The following KCNH1 variants were observed in gnomAD, a reference collection of about 807,000 sequenced individuals.
KCNH1 encodes potassium voltage-gated channel subfamily H member 1.
KCNH1 carries 27 observed loss-of-function variants against 69.2 expected under a neutral mutation model. That is an observed-to-expected ratio of 0.39 (90% CI 0.29 to 0.54). The LOEUF (loss-of-function observed/expected upper bound fraction) is 0.54. Ranked by LOEUF, KCNH1 falls within the 20% of genes least tolerant of loss-of-function variation. The pLI, the probability that KCNH1 is intolerant of heterozygous loss-of-function variation, is 0.68. For synonymous variants in KCNH1, 456 were observed against 487.7 expected, an observed-to-expected ratio of 0.93 and a Z score of 0.86; for missense variants, 798 against 1,261.6, an observed-to-expected ratio of 0.63 and a Z score of 5.57.
intron 7 of KCNH1, among the ~76,000 whole-genome samples, chr1:210,855,074 G>T (rs568947898): frequency 6.6e-6 from 1 of 152,268 alleles, no homozygotes; most frequent in South Asian, 2.1e-4. Context: ...ATGAAGGAGG[G>T]TAATGGTATG....
intron 10 of KCNH1, among the ~76,000 whole-genome samples, chr1:210,697,366 G>A (rs1681667119): frequency 6.6e-6 from 1 of 152,226 alleles, no homozygotes; most frequent in Non-Finnish European, 1.5e-5. Flanking sequence ...ATGCTAAACT[G>A]TGACTGCTGA....
intron 5 of KCNH1, among the ~76,000 whole-genome samples, chr1:211,034,579 G>C (rs748894671): frequency 1.3e-5 from 2 of 151,966 alleles, no homozygotes; most frequent in Non-Finnish European, 2.9e-5. Flanking sequence ...GGAGAAGCTG[G>C]GTAAAAGGCC....
chr1:210,683,194 G>A lies in KCNH1; in HGVS notation c.*87C>T. The A allele has an allele frequency of 1.6e-6, 2 of 1,282,792 alleles. No individual in the cohort carries two copies. Among genetic ancestry groups the A allele is most frequent in the South Asian group, 2.9e-5 (2 of 69,484 alleles). The allele number at this position is 1,282,792 out of a possible 1,614,324, so 79.5% of individuals were successfully genotyped here. On this transcript the variant is annotated 3_prime_UTR_variant, in exon 11 of 11. Transcript: ENST00000271751. The surrounding 1 kb of genome is among the most constrained non-coding windows in gnomAD (Gnocchi z 5.7). ...GTTAGGAAAAGCCTACTTGAAAATT[G>A]TTGGTCATGTGGACATATGTGGTAG...
chr1:210,962,240 A>G (rs1362936593), intron 6 of KCNH1, among the ~76,000 whole-genome samples: 2 of 152,214 alleles, frequency 1.3e-5, no homozygotes, highest in African/African-American at 4.8e-5. Flanking sequence ...CCAGGGAATT[A>G]TAAGGCTCAG....
At chr1:210,950,238 C>T (rs1377041166) in intron 6 of KCNH1, among the ~76,000 whole-genome samples, 4 of 149,514 alleles carry the variant, frequency 2.7e-5, no homozygotes, top group African/African-American at 7.4e-5. Context: ...TTTAATTATA[C>T]TTTAAGTTTT....
chr1:211,101,186 C>T (rs1000431352), intron 3 of KCNH1, among the ~76,000 whole-genome samples: 11 of 152,144 alleles, frequency 7.2e-5, no homozygotes, highest in African/African-American at 1.4e-4. Flanking sequence ...GGATGCTGCC[C>T]GTTCCCCTAC....
chr1:210,900,344 A>C (rs971540851), intron 7 of KCNH1, among the ~76,000 whole-genome samples: 2 of 152,200 alleles, frequency 1.3e-5, no homozygotes, highest in African/African-American at 4.8e-5. Flanking sequence ...CAGACAGTTC[A>C]TCTGAGCAGA....
chr1:210,897,370 A>G (rs1433612889), intron 7 of KCNH1, among the ~76,000 whole-genome samples: 1 of 152,188 alleles, frequency 6.6e-6, no homozygotes, highest in East Asian at 1.9e-4. Flanking sequence ...CTTTAAAACC[A>G]AGAAAAATAA....
intron 6 of KCNH1, among the ~76,000 whole-genome samples, chr1:210,950,789 A>G (rs1169091619): frequency 6.6e-6 from 1 of 152,164 alleles, no homozygotes; most frequent in Non-Finnish European, 1.5e-5. Flanking sequence ...AACTCTATGA[A>G]GTATGTACTT....
intron 7 of KCNH1, among the ~76,000 whole-genome samples, chr1:210,884,316 G>A (rs547639005): frequency 2.6e-4 from 40 of 152,290 alleles, no homozygotes; most frequent in South Asian, 1.9e-3. Context: ...TGTTACTTGA[G>A]AGGATCCTCT....
At chr1:210,985,427 T>C (rs955747781) in intron 6 of KCNH1, among the ~76,000 whole-genome samples, 3 of 152,248 alleles carry the variant, frequency 2.0e-5, no homozygotes, top group African/African-American at 7.2e-5. Flanking sequence ...TGTAGTGCTA[T>C]AAATTTCCCT....
intron 7 of KCNH1, among the ~76,000 whole-genome samples, chr1:210,883,974 G>A (rs989439678): frequency 4.6e-5 from 7 of 152,168 alleles, no homozygotes; most frequent in Non-Finnish European, 8.8e-5. Flanking sequence ...CCCATGCTCT[G>A]GACAATGATT....
intron 6 of KCNH1, among the ~76,000 whole-genome samples, chr1:210,982,435 C>T (rs1352100871): frequency 6.6e-6 from 1 of 151,926 alleles, no homozygotes; most frequent in Non-Finnish European, 1.5e-5. Context: ...CCACTCCACA[C>T]CAGTCCCCGG....
chr1:211,133,998 G>C lies in KCNH1; in HGVS notation c.-53C>G. 6.6e-7 allele frequency: 1 copy of C among 1,510,948 alleles called. No homozygotes were observed. The highest frequency in any genetic ancestry group is 1.7e-4 in the Middle Eastern group (1 of 5,862). The allele number at this position is 1,510,948 out of a possible 1,614,324, so 93.6% of individuals were successfully genotyped here. A position where few individuals can be genotyped will look rare whatever the true frequency, so the allele number is the denominator to read the frequency against. On this transcript the variant is annotated 5_prime_UTR_variant, in exon 1 of 11. Coordinates refer to ENST00000271751, the MANE Select transcript of KCNH1 (RefSeq NM_172362.3). The surrounding 1 kb of genome is among the most constrained non-coding windows in gnomAD (Gnocchi z 5.4). The stretch of plus-strand genomic sequence containing the variant: ...CGTCCTGGCGCGGCTTCTTACGACA[G>C]CAGGAAACTGGCCTCGGGGCCCGCA...
chr1:210,962,378 T>C (rs1480080263), intron 6 of KCNH1, among the ~76,000 whole-genome samples: 1 of 152,220 alleles, frequency 6.6e-6, no homozygotes, highest in East Asian at 1.9e-4. Flanking sequence ...TTACTTCATC[T>C]TGGCAGAAAT....
At chr1:210,900,820 G>T (rs934457866) in intron 7 of KCNH1, among the ~76,000 whole-genome samples, 6 of 152,030 alleles carry the variant, frequency 3.9e-5, no homozygotes, top group Admixed American at 6.5e-5. Flanking sequence ...ATAGTGCTTT[G>T]TTCTCCATTC....
chr1:210,683,766 C>A lies in KCNH1; in HGVS notation c.2485G>T (p.Gly829Cys). 1 of 1,613,920 alleles carries A rather than the reference C, an allele frequency of 6.2e-7. No homozygotes were observed. The highest frequency in any genetic ancestry group is 8.5e-7 in the Non-Finnish European group (1 of 1,180,040). Residue 829 changes from glycine (G) to cysteine (C), a missense_variant, in exon 11 of 11, where the codon GGC becomes TGC. Physicochemically the swap from Gly to Cys is radical, Grantham distance 159. Around this residue, in one of 4 missense-constraint regions of KCNH1, gnomAD observed 331 missense variants for 363.2 expected, o/e 0.91. Coordinates refer to ENST00000271751, the MANE Select transcript of KCNH1 (RefSeq NM_172362.3). The surrounding 1 kb of genome is among the most constrained non-coding windows in gnomAD (Gnocchi z 5.7). Reference protein sequence around the residue: ...SECLGPKGGGGDCAKRKSWAR... With the variant: ...SECLGPKGGGCDCAKRKSWAR... ...CAGCTTTTGCGCTTGGCACAATCGCCCCCGCCCCCCTTGGGGCCCAGGCAC... is the reference window on the plus strand; with the variant it reads ...CAGCTTTTGCGCTTGGCACAATCGCACCCGCCCCCCTTGGGGCCCAGGCAC...
chr1:210,775,188 T>C (rs1254574444), intron 10 of KCNH1, among the ~76,000 whole-genome samples, 160 bp downstream of exon 10: 1 of 152,158 alleles, frequency 6.6e-6, no homozygotes, highest in Non-Finnish European at 1.5e-5. Flanking sequence ...CTCTCCTCCA[T>C]TTTATAGCAA....
At position 210,775,417 on chromosome 1, in the gene KCNH1, C is replaced by T. The variant is rs1236202214; in HGVS notation, c.2043G>A (p.Leu681=). Residue 681 remains leucine (L), a synonymous_variant, in exon 10 of 11, where the codon CTG becomes CTA. Transcript: ENST00000271751. ...VIKRDALQKV[L]EFYTAFSHSF... Reference sequence around the variant, plus strand: ...AATGGGAGAAGGCCGTGTAGAATTCCAGCACTTTCTGCAGGGCATCCCGCT... The same window carrying T: ...AATGGGAGAAGGCCGTGTAGAATTCTAGCACTTTCTGCAGGGCATCCCGCT... The T allele has an allele frequency of 6.2e-7, 1 of 1,614,006 alleles. No individual in the cohort carries two copies. The highest frequency in any genetic ancestry group is 8.5e-7 in the Non-Finnish European group (1 of 1,179,996).
Sources: gnomAD v4.1 joint callset for allele counts (sites outside exome capture counted in the v4.1 genomes callset) on GRCh38, gnomAD v4.1.1 for gene constraint, gnomAD v4.1.1 regional missense constraint, Gnocchi (gnomAD v3.1) non-coding constraint, MANE v1.5 for transcripts, NCBI Gene and HGNC (gene_info 2026-07-23, HGNC 2026-07-21) for gene names.